The following NXPH1 variants were observed in gnomAD, a reference collection of about 807,000 sequenced individuals.
The protein encoded by NXPH1 is neurexophilin-1.
A neutral mutation model predicts 23.7 loss-of-function variants in NXPH1; 5 were observed. The observed-to-expected ratio is 0.21, with a 90% confidence interval of 0.11 to 0.44. NXPH1 has a LOEUF of 0.44. NXPH1 is among the 20% of genes least tolerant of loss of function. The pLI is 0.99. For synonymous variants in NXPH1, 144 were observed against 122.2 expected (o/e 1.18, Z -1.18); for missense variants, 324 against 321.6 (o/e 1.01, Z -0.06).
chr7:8,716,360 T>C (rs1427178358), intron 2 of NXPH1, among the ~76,000 whole-genome samples: 2 of 152,200 alleles, frequency 1.3e-5, no homozygotes, highest in African/African-American at 4.8e-5. Flanking sequence ...AATATAATTT[T>C]CCCAAACCTT....
chr7:8,572,132 A>C (rs1395259846), intron 2 of NXPH1, among the ~76,000 whole-genome samples: 2 of 151,976 alleles, frequency 1.3e-5, no homozygotes, highest in Admixed American at 6.6e-5. Flanking sequence ...TAAATAATGC[A>C]TGGAATATAC....
intron 2 of NXPH1, among the ~76,000 whole-genome samples, chr7:8,518,841 A>G (rs958883351): frequency 3.3e-5 from 5 of 152,230 alleles, no homozygotes; most frequent in African/African-American, 1.2e-4. Flanking sequence ...TAAACCTAAC[A>G]GTTTCCACTG....
intron 2 of NXPH1, among the ~76,000 whole-genome samples, chr7:8,690,988 A>C (rs1248990284): frequency 6.6e-6 from 1 of 152,074 alleles, no homozygotes; most frequent in Non-Finnish European, 1.5e-5. Context: ...TTTCCTCTGA[A>C]GACTTCCTTT....
chr7:8,464,438 C>T (rs1247486631), intron 2 of NXPH1, among the ~76,000 whole-genome samples: 2 of 152,172 alleles, frequency 1.3e-5, no homozygotes, highest in African/African-American at 4.8e-5. Context: ...AAGCATCTTG[C>T]AATTTTAATC....
intron 2 of NXPH1, among the ~76,000 whole-genome samples, chr7:8,518,199 C>A (rs1037914386): frequency 6.6e-6 from 1 of 151,782 alleles, no homozygotes; most frequent in African/African-American, 2.4e-5. Context: ...AAGGAAAAAC[C>A]CAGACTTATT....
At chr7:8,539,253 T>C (rs1818073853) in intron 2 of NXPH1, among the ~76,000 whole-genome samples, 1 of 151,752 alleles carries the variant, frequency 6.6e-6, no homozygotes, top group South Asian at 2.1e-4. Context: ...TATCTAAGCT[T>C]GATAAATAAA....
Position 8,483,965 on chromosome 7 carries a change from C to CTTTTTTTTTTTTTTTTTTT in NXPH1, c.54+48215_54+48216insTTTTTTTTTTTTTTTTTTT, listed in dbSNP as rs60436502. ...CTAGAATAAATAACACTCCCCCCAC[C>CTTTTTTTTTTTTTTTTTTT]TTTTTTTTTTTTTTTTTAAGAAGTA... On this transcript the variant is annotated intron_variant, in intron 2 of 2. Transcript: ENST00000405863. 2.4e-3 allele frequency among the ~76,000 whole-genome samples: 321 copies of CTTTTTTTTTTTTTTTTTTT among 132,204 alleles called. 14 individuals are homozygous for CTTTTTTTTTTTTTTTTTTT. The highest frequency in any genetic ancestry group is 9.5e-3 in the African/African-American group (305 of 31,942). The allele number at this position is 132,204 out of a possible 152,430, so 86.7% of individuals were successfully genotyped here.
chr7:8,628,492 A>G (rs1820046619), intron 2 of NXPH1, among the ~76,000 whole-genome samples: 1 of 152,044 alleles, frequency 6.6e-6, no homozygotes, highest in Non-Finnish European at 1.5e-5. Context: ...AAAGTCAGGG[A>G]CAAGAATGTA....
intron 2 of NXPH1, among the ~76,000 whole-genome samples, chr7:8,747,147 G>GA (rs1238385222): frequency 2.0e-5 from 3 of 152,118 alleles, no homozygotes; most frequent in African/African-American, 7.2e-5. Context: ...CTAGAAGAGA[G>GA]AAACAGTGAA....
chr7:8,512,187 A>G (rs929336), intron 2 of NXPH1, among the ~76,000 whole-genome samples: 104,105 of 152,096 alleles, frequency 0.68, 35,742 homozygotes, highest in African/African-American at 0.71. Flanking sequence ...AGAACTTAGC[A>G]ATTTTGCCTG....
At chr7:8,620,626 T>G (rs568815811) in intron 2 of NXPH1, among the ~76,000 whole-genome samples, 1 of 152,310 alleles carries the variant, frequency 6.6e-6, no homozygotes, top group East Asian at 1.9e-4. Context: ...TAAGGAGATC[T>G]GAGAGAGAAA....
intron 2 of NXPH1, among the ~76,000 whole-genome samples, chr7:8,476,642 C>T (rs141658277): frequency 4.1e-4 from 62 of 152,006 alleles, no homozygotes; most frequent in East Asian, 1.7e-3. Context: ...CAATGCTATA[C>T]ATTATTTATT....
intron 2 of NXPH1, among the ~76,000 whole-genome samples, chr7:8,452,217 A>T (rs950379283): frequency 1.3e-5 from 2 of 152,214 alleles, no homozygotes; most frequent in Non-Finnish European, 2.9e-5. Flanking sequence ...TTGTGAGAAG[A>T]ATATCTGAAA....
chr7:8,444,660 G>A (rs766525037), intron 2 of NXPH1, among the ~76,000 whole-genome samples: 99 of 152,048 alleles, frequency 6.5e-4, no homozygotes, highest in Non-Finnish European at 7.1e-4. Flanking sequence ...GTTAACTGAG[G>A]TGTGTGTGTG....
At chr7:8,518,141 G>GT (rs983147987) in intron 2 of NXPH1, among the ~76,000 whole-genome samples, 1 of 152,054 alleles carries the variant, frequency 6.6e-6, no homozygotes, top group Non-Finnish European at 1.5e-5. Flanking sequence ...TTAGATTGAA[G>GT]TTAACATTTG....
chr7:8,510,876 T>C (rs915031231), intron 2 of NXPH1, among the ~76,000 whole-genome samples: 16 of 152,102 alleles, frequency 1.1e-4, no homozygotes, highest in Non-Finnish European at 2.2e-4. Flanking sequence ...TTGGCTCCAA[T>C]TCATTTTAAG....
At chr7:8,461,329 C>T (rs1816690455) in intron 2 of NXPH1, among the ~76,000 whole-genome samples, 1 of 152,038 alleles carries the variant, frequency 6.6e-6, no homozygotes, top group Non-Finnish European at 1.5e-5. Context: ...GCTTAAAACA[C>T]CAGTTGAAGA....
intron 2 of NXPH1, among the ~76,000 whole-genome samples, chr7:8,730,091 G>C (rs1450825043): frequency 6.6e-6 from 1 of 151,930 alleles, no homozygotes; most frequent in Non-Finnish European, 1.5e-5. Flanking sequence ...TTACCATTAT[G>C]TAATGGCCTT....
At chr7:8,438,461 T>G (rs940759046) in intron 2 of NXPH1, among the ~76,000 whole-genome samples, 1 of 152,202 alleles carries the variant, frequency 6.6e-6, no homozygotes, top group Non-Finnish European at 1.5e-5. Context: ...GATGGATAAT[T>G]TTTGTCTTTG....
Sources: allele counts gnomAD v4.1 joint callset (sites outside exome capture counted in the v4.1 genomes callset), GRCh38; gene constraint gnomAD v4.1.1; transcripts MANE v1.5; gene names NCBI Gene and HGNC (gene_info 2026-07-23, HGNC 2026-07-21).